APP: variants seen among roughly 807,000 people sequenced by gnomAD.
APP encodes the protein amyloid beta precursor protein.
Under a neutral mutation model 101.4 loss-of-function variants are expected in APP, and 31 were observed. That is an observed-to-expected ratio of 0.31 (90% CI 0.23 to 0.41). The LOEUF is 0.41. Ranked by LOEUF, APP falls within the 10% of genes least tolerant of loss-of-function variation. The probability of loss-of-function intolerance (pLI) is 1.00; values close to 1 mark genes in which losing one functional copy is unlikely to be tolerated. For missense variants in APP, 839 were observed against 1,003.7 expected, an observed-to-expected ratio of 0.84 and a Z score of 2.22; for synonymous variants, 366 against 364.4, an observed-to-expected ratio of 1.00 and a Z score of -0.05.
intron 1 of APP, among the ~76,000 whole-genome samples, chr21:26,167,353 T>C (rs553856114): frequency 1.4e-4 from 22 of 152,368 alleles, no homozygotes; most frequent in African/African-American, 5.1e-4. Context: ...TACAGGTTTA[T>C]CTTTACATTT....
intron 13 of APP, among the ~76,000 whole-genome samples, chr21:25,928,285 C>A (rs535544830): frequency 6.6e-6 from 1 of 151,988 alleles, no homozygotes; most frequent in African/African-American, 2.4e-5. Context: ...GAGCTTGCAG[C>A]GAGCCAAGAT....
At chr21:26,161,714 C>T (rs978870076) in intron 1 of APP, among the ~76,000 whole-genome samples, 3 of 152,106 alleles carry the variant, frequency 2.0e-5, no homozygotes, top group Non-Finnish European at 4.4e-5. Flanking sequence ...CAGTTATATC[C>T]TCAAACTAAT....
chr21:26,053,403 C>T lies in APP; in HGVS notation c.356-55G>A. The T allele has an allele frequency of 3.2e-6, 4 of 1,245,622 alleles. No homozygotes were observed. The South Asian group carries it at 3.6e-5, about 11-fold the overall frequency. The allele number at this position is 1,245,622 out of a possible 1,614,324, so 77.2% of individuals were successfully genotyped here. On this transcript the variant is annotated intron_variant, in intron 3 of 17. Transcript: ENST00000346798. ...TTCCATCTGTATCACAGTGTTCTTA[C>T]CGCAGAAGACATCAAGGAAAGATAG...
intron 1 of APP, chr21:26,140,515 A>C: frequency 2.2e-6 from 1 of 461,856 alleles, no homozygotes; most frequent in Non-Finnish European, 3.4e-6. Flanking sequence ...GCACAAAGCC[A>C]AGTGTCAGGG....
At chr21:26,163,877 T>C (rs2063550684) in intron 1 of APP, among the ~76,000 whole-genome samples, 1 of 152,238 alleles carries the variant, frequency 6.6e-6, no homozygotes, top group Non-Finnish European at 1.5e-5. Context: ...AAAAAAAATA[T>C]ATAATTTCAA....
At chr21:26,000,568 G>A (rs548608376) in intron 6 of APP, among the ~76,000 whole-genome samples, 34 of 152,322 alleles carry the variant, frequency 2.2e-4, no homozygotes, top group African/African-American at 7.5e-4. Flanking sequence ...AACTGCTTTG[G>A]TTATGAAGCG....
At chr21:25,970,986 G>A (rs1419834955) in intron 11 of APP, among the ~76,000 whole-genome samples, 2 of 152,122 alleles carry the variant, frequency 1.3e-5, no homozygotes, top group South Asian at 4.1e-4. Context: ...TGAGTGAGAA[G>A]AACTGGATTT....
At chr21:25,999,352 C>T (rs3787637) in intron 7 of APP, among the ~76,000 whole-genome samples, 4,566 of 152,174 alleles carry the variant, frequency 0.03, 138 homozygotes, top group South Asian at 0.086. Context: ...AAGTTTCTCA[C>T]GTTAAGTCAA....
intron 13 of APP, among the ~76,000 whole-genome samples, chr21:25,914,081 T>C (rs1347856777): frequency 1.3e-5 from 2 of 152,134 alleles, no homozygotes; most frequent in Non-Finnish European, 2.9e-5. Context: ...CCACCTTTCC[T>C]GTTTTCTAAT....
intron 2 of APP, among the ~76,000 whole-genome samples, chr21:26,094,002 G>A (rs576442906): frequency 1.1e-4 from 16 of 152,010 alleles, no homozygotes; most frequent in Non-Finnish European, 2.1e-4. Context: ...TTAAGTCCCA[G>A]CTACTCCGGA....
At chr21:25,967,001 T>C (rs572524372) in intron 11 of APP, among the ~76,000 whole-genome samples, 7 of 152,350 alleles carry the variant, frequency 4.6e-5, no homozygotes, top group Admixed American at 3.3e-4. Flanking sequence ...GCTCTTCTGC[T>C]GGAATTTACC....
At position 26,136,752 on chromosome 21, in the gene APP, A is replaced by G. The variant is rs549726110; in HGVS notation, c.58-24606T>C. On this transcript the variant is annotated intron_variant, in intron 1 of 17. Coordinates refer to ENST00000346798, the MANE Select transcript of APP (RefSeq NM_000484.4). ...CAGGTTGGTTGTTTTAGAAGAAGAAAAAAAAAAAGCTGGTTTTAAATCTGG... is the reference window on the plus strand; with the variant it reads ...CAGGTTGGTTGTTTTAGAAGAAGAAGAAAAAAAAGCTGGTTTTAAATCTGG... Among the ~76,000 whole-genome samples the G allele has an allele frequency of 2.6e-5, 4 of 152,200 alleles. No homozygotes were observed. The East Asian group carries it at 7.7e-4, about 29-fold the overall frequency.
intron 11 of APP, among the ~76,000 whole-genome samples, chr21:25,969,900 A>AGG (rs1196748560): frequency 0.036 from 10 of 280 alleles, no homozygotes; most frequent in Non-Finnish European, 0.088. Context: ...AGATTAGAGA[A>AGG]GAGAAGAGGG....
intron 5 of APP, among the ~76,000 whole-genome samples, chr21:26,045,347 T>A (rs1327033344): frequency 6.6e-6 from 1 of 152,208 alleles, no homozygotes; most frequent in Non-Finnish European, 1.5e-5. Flanking sequence ...CCAGTATTTG[T>A]AAGACGGATA....
rs142131639 is a variant in APP, at chr21:26,092,171, A to G, written c.226-2099T>C. ...ATGGAGTTTTTTTGCAGTAATTTTG[A>G]TTTTTAAAAATATTACATTAAAAAT... is the stretch of plus-strand genomic sequence containing the variant. On this transcript the variant is annotated intron_variant, in intron 2 of 17. Transcript: ENST00000346798. Among the ~76,000 whole-genome samples the G allele has an allele frequency of 6.6e-5, 10 of 152,236 alleles. No homozygotes were observed. The East Asian group carries it at 1.4e-3, about 21-fold the overall frequency.
intron 2 of APP, among the ~76,000 whole-genome samples, chr21:26,100,384 C>T (rs1198372960): frequency 1.3e-5 from 2 of 152,128 alleles, no homozygotes; most frequent in African/African-American, 2.4e-5. Context: ...ACAATGTATA[C>T]GTGCCTATGA....
chr21:25,944,851 G>A (rs977540140), intron 13 of APP, among the ~76,000 whole-genome samples: 1 of 152,152 alleles, frequency 6.6e-6, no homozygotes, highest in African/African-American at 2.4e-5. Flanking sequence ...AGTGTTCCAT[G>A]CCAGGAAGTA....
At chr21:26,083,799 C>G (rs556957850) in intron 3 of APP, among the ~76,000 whole-genome samples, 40 of 152,234 alleles carry the variant, frequency 2.6e-4, no homozygotes, top group African/African-American at 9.4e-4. Flanking sequence ...ACTCATAAGC[C>G]ATAACAGCAG....
chr21:25,932,410 A>C (rs537122294), intron 13 of APP, among the ~76,000 whole-genome samples: 1 of 152,306 alleles, frequency 6.6e-6, no homozygotes, highest in African/African-American at 2.4e-5. Context: ...GATCCATTCG[A>C]CATGATGGAC....
Sources: gnomAD v4.1 joint callset for allele counts (sites outside exome capture counted in the v4.1 genomes callset) on GRCh38, gnomAD v4.1.1 for gene constraint, MANE v1.5 for transcripts, NCBI Gene and HGNC (gene_info 2026-07-23, HGNC 2026-07-21) for gene names.